The following SLC60A1 variants were observed in gnomAD, a reference collection of about 807,000 sequenced individuals.
SLC60A1 encodes the protein solute carrier family 60 member 1.
At chr1:205,571,922 G>A in the SLC60A1 span, among the ~76,000 whole-genome samples, 1 of 152,212 alleles carries the variant, frequency 6.6e-6, no homozygotes, top group Non-Finnish European at 1.5e-5. Flanking sequence ...GAAAGTTTAG[G>A]ATGACACATG....
chr1:205,571,205 T>C, the SLC60A1 span, among the ~76,000 whole-genome samples: 1 of 152,204 alleles, frequency 6.6e-6, no homozygotes, highest in South Asian at 2.1e-4. Context: ...TTATCTCCAT[T>C]TTATGCATAA....
At chr1:205,578,752 C>G in the SLC60A1 span, among the ~76,000 whole-genome samples, 1 of 152,090 alleles carries the variant, frequency 6.6e-6, no homozygotes, top group African/African-American at 2.4e-5. Flanking sequence ...CAGCTCCCAC[C>G]TTTCCAGGTC....
chr1:205,599,430 G>A, the SLC60A1 span, among the ~76,000 whole-genome samples: 51 of 152,288 alleles, frequency 3.3e-4, no homozygotes, highest in African/African-American at 1.1e-3. Flanking sequence ...CTTTCCATAC[G>A]ATTGTCTGCG....
chr1:205,570,528 A>G, the SLC60A1 span, among the ~76,000 whole-genome samples: 1 of 152,258 alleles, frequency 6.6e-6, no homozygotes. Context: ...GAAGGAGCAC[A>G]GGTGTCAGTA....
At chr1:205,584,548 T>TAA in the SLC60A1 span, among the ~76,000 whole-genome samples, 10 of 111,600 alleles carry the variant, frequency 9.0e-5, no homozygotes, top group South Asian at 3.1e-4. Context: ...TTTTTTTTTT[T>TAA]AAAAAAAAAA....
At chr1:205,575,124 G>A in the SLC60A1 span, among the ~76,000 whole-genome samples, 1 of 152,190 alleles carries the variant, frequency 6.6e-6, no homozygotes, top group Non-Finnish European at 1.5e-5. Flanking sequence ...CTCCCAGGGG[G>A]TCCCTTGTCT....
the SLC60A1 span, chr1:205,599,192 C>T: frequency 3.8e-5 from 62 of 1,614,044 alleles, no homozygotes; most frequent in Non-Finnish European, 5.0e-5. Flanking sequence ...GGTTGTCTGG[C>T]TTTTACCTTC....
chr1:205,599,234 A>G, the SLC60A1 span: 13 of 1,613,912 alleles, frequency 8.1e-6, no homozygotes, highest in Admixed American at 1.2e-4. Flanking sequence ...CACAGGATGC[A>G]CCCTGGACTC....
chr1:205,597,611 G>A, the SLC60A1 span: 1 of 613,208 alleles, frequency 1.6e-6, no homozygotes, highest in African/African-American at 1.8e-5. Context: ...GCCCAGACTG[G>A]TCTTGAACTC....
At chr1:205,598,038 A>AT in the SLC60A1 span, 1 of 578,678 alleles carries the variant, frequency 1.7e-6, no homozygotes, top group Non-Finnish European at 3.1e-6. Context: ...CTGAGCCTCC[A>AT]TATGTGGGAT....
the SLC60A1 span, among the ~76,000 whole-genome samples, chr1:205,577,198 C>T: frequency 5.9e-5 from 9 of 152,234 alleles, no homozygotes; most frequent in African/African-American, 1.2e-4. This position sits in a 1 kb window ranked among gnomAD's most constrained non-coding sequence, Gnocchi z 5.2. Flanking sequence ...CCTGGCAACC[C>T]GTCCCTACAT....
At chr1:205,569,742 C>G in the SLC60A1 span, among the ~76,000 whole-genome samples, 1 of 152,062 alleles carries the variant, frequency 6.6e-6, no homozygotes, top group Non-Finnish European at 1.5e-5. Context: ...GTGGAAGGAC[C>G]GTGGGAGGGC....
the SLC60A1 span, chr1:205,584,755 A>G: frequency 1.2e-6 from 1 of 808,516 alleles, no homozygotes; most frequent in Non-Finnish European, 2.1e-6. Flanking sequence ...TCGTGAAAGT[A>G]GAGGCAGTAA....
At chr1:205,569,261 C>T in the SLC60A1 span, 1 of 1,563,462 alleles carries the variant, frequency 6.4e-7, no homozygotes, top group Non-Finnish European at 8.6e-7. Context: ...AGCTCTGCCT[C>T]CTGCTGGGCA....
chr1:205,586,003 G>A, the SLC60A1 span: 1 of 1,549,258 alleles, frequency 6.5e-7, no homozygotes, highest in Non-Finnish European at 8.7e-7. Context: ...TGGGCTGCAG[G>A]TGTGCTCAAC....
the SLC60A1 span, chr1:205,600,298 A>C: frequency 8.4e-7 from 1 of 1,185,272 alleles, no homozygotes; most frequent in East Asian, 2.5e-5. Context: ...CTCTAGAGCC[A>C]CAGAATGGCA....
chr1:205,596,541 T>C, the SLC60A1 span, among the ~76,000 whole-genome samples: 2 of 39,184 alleles, frequency 5.1e-5, no homozygotes, highest in African/African-American at 1.5e-4. Context: ...CAAGACTCTG[T>C]CTCAAAAAAA....
At chr1:205,584,985 G>T in the SLC60A1 span, 1 of 1,613,566 alleles carries the variant, frequency 6.2e-7, no homozygotes, top group Non-Finnish European at 8.5e-7. Context: ...TGACGGATGG[G>T]TTGACGGTGA....
chr1:205,569,154 G>C, the SLC60A1 span: 1 of 1,538,620 alleles, frequency 6.5e-7, no homozygotes, highest in Non-Finnish European at 8.8e-7. Flanking sequence ...CTTCAGCTTC[G>C]GCCTGTGCAT....
Sources: allele counts gnomAD v4.1 joint callset (sites outside exome capture counted in the v4.1 genomes callset), GRCh38; gene constraint gnomAD v4.1.1; non-coding constraint Gnocchi (gnomAD v3.1); transcripts MANE v1.5; gene names NCBI Gene and HGNC (gene_info 2026-07-23, HGNC 2026-07-21).